Variants in SASH1 observed in about 807,000 individuals in gnomAD.
SASH1 encodes SAM and SH3 domain-containing protein 1.
In SASH1, 44 loss-of-function variants were observed where a neutral mutation model predicts 125.2. The ratio of observed to expected loss-of-function variants is 0.35; its 90% confidence interval spans 0.28 to 0.45. The LOEUF (loss-of-function observed/expected upper bound fraction) is 0.45. Among genes scored for constraint, SASH1 ranks in the 20% least tolerant of loss-of-function variants. The pLI is 1.00. For missense variants in SASH1, 1,426 were observed against 1,614.5 expected, an observed-to-expected ratio of 0.88 and a Z score of 2.00; for synonymous variants, 639 against 649.1, an observed-to-expected ratio of 0.98 and a Z score of 0.24.
rs1022232019 is a variant in SASH1, at chr6:148,539,194, CTTTAT to C, written c.2096-1240_2096-1236del. On this transcript the variant is annotated intron_variant, in intron 16 of 19. Transcript: ENST00000367467. ...CAGAATGAGGTCTTCCTTTTTTTTTCTTTATTTTATTTTTTATTTATTTCAGTAGC... is the reference window on the plus strand; with the variant it reads ...CAGAATGAGGTCTTCCTTTTTTTTTCTTTATTTTTTATTTATTTCAGTAGC... 1.3e-4 allele frequency among the ~76,000 whole-genome samples: 18 copies of C among 142,404 alleles called. 1 individual carries two copies. The highest frequency in any genetic ancestry group is 4.1e-4 in the East Asian group (2 of 4,910). 93.4% of individuals were successfully genotyped at this position (142,404 alleles called of 152,430 possible).
At chr6:148,198,107 C>T in the SASH1 span, among the ~76,000 whole-genome samples, 5 of 152,202 alleles carry the variant, frequency 3.3e-5, no homozygotes, top group Non-Finnish European at 7.3e-5. Context: ...ACCTCAGCCT[C>T]CCAAAGTGCT....
At chr6:148,415,124 A>G (rs940991874) in intron 2 of SASH1, among the ~76,000 whole-genome samples, 1 of 152,242 alleles carries the variant, frequency 6.6e-6, no homozygotes, top group Non-Finnish European at 1.5e-5. Flanking sequence ...TAGGGCTTCC[A>G]TTGACAAATG....
In SASH1 at chr6:148,519,766, G is replaced by A. The variant is rs751060216; in HGVS notation, c.1082G>A (p.Gly361Asp). The A allele has an allele frequency of 1.9e-6, 3 of 1,614,002 alleles. No homozygotes were observed. The African/African-American group carries it at 4.0e-5, about 22-fold the overall frequency. ...ACCTTCAGCAAAGGAGAGAGCCGGG[G>A]CCTGATTAAGCCCCCCAAGAAGATG... ...VKTFSKGESR[G>D]LIKPPKKMGT... Residue 361 changes from glycine (G) to aspartate (D), a missense_variant, in exon 10 of 20, where the codon GGC becomes GAC. Transcript: ENST00000367467. This position sits in a 1 kb window ranked among gnomAD's most constrained non-coding sequence, Gnocchi z 4.8.
At chr6:148,527,232 TAA>T (rs1430698745) in intron 11 of SASH1, 1 of 445,102 alleles carries the variant, frequency 2.2e-6, no homozygotes, top group African/African-American at 2.1e-5. Flanking sequence ...GTAAGTAAAA[TAA>T]AAAGTGACTC....
At chr6:148,310,383 T>C (rs887568564) in intron 1 of SASH1, among the ~76,000 whole-genome samples, 12 of 150,238 alleles carry the variant, frequency 8.0e-5, no homozygotes, top group African/African-American at 2.9e-4. Flanking sequence ...CTGCTGTATC[T>C]ATTTAACAAC....
intron 2 of SASH1, among the ~76,000 whole-genome samples, chr6:148,406,118 G>T (rs1583100485): frequency 6.6e-6 from 1 of 152,144 alleles, no homozygotes; most frequent in African/African-American, 2.4e-5. Context: ...TCTCATTGCT[G>T]GGTGCCAGTC....
intron 2 of SASH1, among the ~76,000 whole-genome samples, chr6:148,424,288 G>A (rs558027508): frequency 6.6e-6 from 1 of 151,570 alleles, no homozygotes; most frequent in African/African-American, 2.4e-5. Context: ...CACCCAGGCT[G>A]GAGTGCGGTG....
rs886505101 is a variant in SASH1 at position 148,364,364 on chromosome 6, G to GAC, written c.156+21150_156+21151dup. On this transcript the variant is annotated intron_variant, in intron 1 of 19. Coordinates refer to ENST00000367467, the MANE Select transcript of SASH1 (RefSeq NM_015278.5). The stretch of plus-strand genomic sequence containing the variant: ...CACCACTGCTCCACTTTCCTTTGGG[G>GAC]ACACACACACTCACCATTAGCTGTG... Among the ~76,000 whole-genome samples, 24 of 152,264 alleles carry GAC rather than the reference G, an allele frequency of 1.6e-4. 1 individual carries two copies. Among genetic ancestry groups the GAC allele is most frequent in the African/African-American group, 5.8e-4 (24 of 41,556 alleles).
At chr6:148,248,315 T>C in the SASH1 span, among the ~76,000 whole-genome samples, 1 of 152,190 alleles carries the variant, frequency 6.6e-6, no homozygotes, top group East Asian at 1.9e-4. Flanking sequence ...TTTTCCTGTT[T>C]GTTTATTTTA....
At chr6:148,202,772 G>A in the SASH1 span, among the ~76,000 whole-genome samples, 11 of 152,260 alleles carry the variant, frequency 7.2e-5, no homozygotes, top group African/African-American at 2.2e-4. Flanking sequence ...TGGCCAACGT[G>A]GCGAAATTCT....
chr6:148,367,015 A>G (rs1446712509), intron 1 of SASH1, among the ~76,000 whole-genome samples: 7 of 123,650 alleles, frequency 5.7e-5, no homozygotes, highest in African/African-American at 2.2e-4. Context: ...TCTGTTGCCC[A>G]GGCTGGAGTG....
chr6:148,356,765 G>C (rs1040647891), intron 1 of SASH1, among the ~76,000 whole-genome samples: 1 of 152,120 alleles, frequency 6.6e-6, no homozygotes, highest in African/African-American at 2.4e-5. Flanking sequence ...ACTTTTAGTT[G>C]TTTAAGGAAT....
At chr6:148,376,250 C>G (rs1782886980) in intron 1 of SASH1, among the ~76,000 whole-genome samples, 1 of 151,796 alleles carries the variant, frequency 6.6e-6, no homozygotes, top group Admixed American at 6.6e-5. Flanking sequence ...TGTATTTTTA[C>G]TAGAGATGGG....
chr6:148,456,873 C>CAATAATAGTAATAATAAT (rs1777378051), intron 4 of SASH1, among the ~76,000 whole-genome samples: 1 of 142,302 alleles, frequency 7.0e-6, no homozygotes, highest in Admixed American at 7.2e-5. Context: ...TGTCTCATAA[C>CAATAATAGTAATAATAAT]AATAATAATA....
intron 16 of SASH1, among the ~76,000 whole-genome samples, chr6:148,539,136 C>T: frequency 6.6e-6 from 1 of 151,626 alleles, no homozygotes; most frequent in South Asian, 2.1e-4. Flanking sequence ...GCACAGTTGA[C>T]AAATAATGAT....
chr6:148,383,745 C>A (rs4897004), intron 1 of SASH1, among the ~76,000 whole-genome samples: 1 of 151,984 alleles, frequency 6.6e-6, no homozygotes, highest in Non-Finnish European at 1.5e-5. Context: ...TTTTGTTTTC[C>A]TAGTAGTTTT....
chr6:148,443,383 G>A (rs1288039706), intron 4 of SASH1, among the ~76,000 whole-genome samples: 1 of 71,224 alleles, frequency 1.4e-5, no homozygotes, highest in Non-Finnish European at 2.9e-5. Context: ...TTCACTTAAG[G>A]TGGTATCTGC....
intron 1 of SASH1, among the ~76,000 whole-genome samples, chr6:148,327,451 AT>A (rs1232705914): frequency 1.5e-4 from 23 of 151,268 alleles, no homozygotes; most frequent in Admixed American, 1.3e-3. Flanking sequence ...CGCCCGGCTA[AT>A]TTTTTTATTT....
chr6:148,450,120 T>C (rs1012104978), intron 4 of SASH1, among the ~76,000 whole-genome samples: 1 of 152,210 alleles, frequency 6.6e-6, no homozygotes, highest in African/African-American at 2.4e-5. Context: ...TGTTTATTTT[T>C]AATCTTTATT....
Sources: allele counts gnomAD v4.1 joint callset (sites outside exome capture counted in the v4.1 genomes callset), GRCh38; gene constraint gnomAD v4.1.1; non-coding constraint Gnocchi (gnomAD v3.1); transcripts MANE v1.5; gene names NCBI Gene and HGNC (gene_info 2026-07-23, HGNC 2026-07-21).